LARGE1: variants seen among roughly 807,000 people sequenced by gnomAD.
The protein encoded by LARGE1 is xylosyl- and glucuronyltransferase LARGE1.
Under a neutral mutation model 87.6 loss-of-function variants are expected in LARGE1, and 43 were observed. The observed-to-expected ratio is 0.49, with a 90% CI of 0.38 to 0.63. The LOEUF (loss-of-function observed/expected upper bound fraction) is 0.63, where lower values mean the gene tolerates loss of function less well. Among genes scored for constraint, LARGE1 ranks in the 30% least tolerant of loss-of-function variants. LARGE1 has a pLI of 0.00. For synonymous variants in LARGE1, 434 were observed against 394.6 expected, an observed-to-expected ratio of 1.10 and a Z score of -1.18; for missense variants, 802 against 1,000.2, an observed-to-expected ratio of 0.80 and a Z score of 2.67.
At chr22:33,659,529 TAA>T (rs2081061158) in intron 2 of LARGE1, among the ~76,000 whole-genome samples, 1 of 152,076 alleles carries the variant, frequency 6.6e-6, no homozygotes, top group African/African-American at 2.4e-5. Flanking sequence ...GCCATTTTCT[TAA>T]GTTTCAAAAG....
intron 6 of LARGE1, among the ~76,000 whole-genome samples, chr22:33,547,878 G>T (rs572724335): frequency 6.7e-6 from 1 of 150,250 alleles, no homozygotes; most frequent in South Asian, 2.1e-4. Flanking sequence ...AGGCTATAGG[G>T]TATATCAGAA....
chr22:33,512,629 C>A (rs2071108539), intron 6 of LARGE1, among the ~76,000 whole-genome samples: 3 of 152,076 alleles, frequency 2.0e-5, no homozygotes, highest in Admixed American at 2.0e-4. Flanking sequence ...ATGGCAAAAC[C>A]CCATCTCTAC....
At chr22:33,675,872 T>C (rs1157070734) in intron 2 of LARGE1, among the ~76,000 whole-genome samples, 3 of 145,352 alleles carry the variant, frequency 2.1e-5, no homozygotes, top group South Asian at 2.1e-4. Flanking sequence ...AGTTAAATAA[T>C]TGGAAAGTTA....
intron 6 of LARGE1, among the ~76,000 whole-genome samples, chr22:33,556,745 C>A (rs961756462): frequency 1.3e-5 from 2 of 151,338 alleles, no homozygotes; most frequent in Non-Finnish European, 2.9e-5. Flanking sequence ...CAGTGGCTCA[C>A]GCCTGTAATC....
intron 6 of LARGE1, among the ~76,000 whole-genome samples, chr22:33,475,870 A>G (rs1183282076): frequency 6.6e-6 from 1 of 152,166 alleles, no homozygotes; most frequent in Non-Finnish European, 1.5e-5. Context: ...CAGAGCCCCT[A>G]ATTTGGATAG....
chr22:33,602,042 G>A (rs184220460), intron 5 of LARGE1, among the ~76,000 whole-genome samples: 153 of 152,084 alleles, frequency 1.0e-3, no homozygotes, highest in South Asian at 4.4e-3. Flanking sequence ...CTTCACAACC[G>A]GCCACACCAC....
the LARGE1 span, among the ~76,000 whole-genome samples, chr22:33,103,737 A>G: frequency 6.6e-6 from 1 of 152,198 alleles, no homozygotes; most frequent in Non-Finnish European, 1.5e-5. Context: ...TTGGAAGTTT[A>G]TATGGTTTGG....
the LARGE1 span, among the ~76,000 whole-genome samples, chr22:33,106,641 A>G: frequency 1.3e-5 from 2 of 152,070 alleles, no homozygotes; most frequent in Non-Finnish European, 2.9e-5. Context: ...GATTACAGGC[A>G]TGTGCCACCA....
At chr22:33,425,839 C>T (rs547593059) in intron 7 of LARGE1, among the ~76,000 whole-genome samples, 57 of 152,260 alleles carry the variant, frequency 3.7e-4, no homozygotes, top group African/African-American at 1.3e-3. Context: ...TAGGTTCAAG[C>T]GATTCTCTTG....
chr22:33,421,242 C>A (rs562145288), intron 7 of LARGE1, among the ~76,000 whole-genome samples: 12 of 145,218 alleles, frequency 8.3e-5, no homozygotes, highest in East Asian at 7.8e-4. Context: ...ATCAATCAAT[C>A]AATAAAGGAG....
At chr22:33,640,909 G>A (rs184004576) in intron 3 of LARGE1, among the ~76,000 whole-genome samples, 24 of 152,310 alleles carry the variant, frequency 1.6e-4, no homozygotes, top group Admixed American at 2.6e-4. Flanking sequence ...AAAGGCAGCA[G>A]CTCCAGTCAG....
chr22:33,275,823 A>C (rs1045673044), intron 14 of LARGE1, among the ~76,000 whole-genome samples: 2 of 152,268 alleles, frequency 1.3e-5, no homozygotes, highest in Non-Finnish European at 2.9e-5. Flanking sequence ...GAACTAGTTC[A>C]TCTCACAGCA....
intron 7 of LARGE1, among the ~76,000 whole-genome samples, chr22:33,403,649 G>A (rs886684609): frequency 6.6e-6 from 1 of 152,024 alleles, no homozygotes; most frequent in Non-Finnish European, 1.5e-5. Flanking sequence ...TGTCACCCAG[G>A]CTGGAGTGTA....
intron 2 of LARGE1, chr22:33,744,329 G>C (rs1020040054): frequency 2.0e-5 from 3 of 152,218 alleles, no homozygotes; most frequent in Non-Finnish European, 4.4e-5. Context: ...CACCCAGCTG[G>C]TAAGTGGAAC....
chr22:33,445,954 G>A (rs1269805223), intron 6 of LARGE1, among the ~76,000 whole-genome samples: 1 of 152,164 alleles, frequency 6.6e-6, no homozygotes, highest in South Asian at 2.1e-4. Context: ...CCGGCCCTAA[G>A]GGGGCCACTC....
chr22:33,404,407 CAATA>C (rs2066026568), intron 7 of LARGE1, among the ~76,000 whole-genome samples: 1 of 152,142 alleles, frequency 6.6e-6, no homozygotes, highest in African/African-American at 2.4e-5. Context: ...AACCAGTGCT[CAATA>C]AATGTTAGCT....
At chr22:33,643,297 C>T (rs1231282213) in intron 3 of LARGE1, among the ~76,000 whole-genome samples, 2 of 152,142 alleles carry the variant, frequency 1.3e-5, no homozygotes, top group Non-Finnish European at 2.9e-5. Context: ...TGAATGACTA[C>T]TGGGTAAATA....
At chr22:33,755,249 T>C (rs771786366) in intron 2 of LARGE1, among the ~76,000 whole-genome samples, 3 of 152,184 alleles carry the variant, frequency 2.0e-5, no homozygotes, top group Non-Finnish European at 4.4e-5. Flanking sequence ...TGCAGGCTGA[T>C]ATCAGTTCAG....
In LARGE1 at chr22:33,283,363, C is replaced by T; in HGVS notation, c.1731-15G>A. 2 of 1,614,116 alleles carry T rather than the reference C, an allele frequency of 1.2e-6. No individual in the cohort carries two copies. Among genetic ancestry groups the T allele is most frequent in the Non-Finnish European group, 1.7e-6 (2 of 1,179,984 alleles). On this transcript the variant is annotated splice_polypyrimidine_tract_variant and intron_variant, in intron 12 of 14. Transcript: ENST00000397394. ...TGACAGACTTCCTGAAAAGAGGGGA[C>T]AGGCAGAGAGACAGAGTCCCTGTGA...
Sources: allele counts gnomAD v4.1 joint callset (sites outside exome capture counted in the v4.1 genomes callset), GRCh38; gene constraint gnomAD v4.1.1; transcripts MANE v1.5; gene names NCBI Gene and HGNC (gene_info 2026-07-23, HGNC 2026-07-21).